The following AACS variants were observed in gnomAD, a reference collection of about 807,000 sequenced individuals.
The protein encoded by AACS is acetoacetyl-CoA synthetase, also known as acetoacetate-CoA ligase.
In AACS, 69 loss-of-function variants were observed where a neutral mutation model predicts 83.1. That is an observed-to-expected ratio of 0.83 (90% CI 0.68 to 1.01). The LOEUF is 1.01. AACS is among the 50% of genes least tolerant of loss of function. The pLI is 0.00. For missense variants in AACS, 866 were observed against 882.2 expected, an observed-to-expected ratio of 0.98 and a Z score of 0.23; for synonymous variants, 333 against 343.4, an observed-to-expected ratio of 0.97 and a Z score of 0.33.
intron 14 of AACS, among the ~76,000 whole-genome samples, chr12:125,133,358 C>T (rs1024975552): frequency 2.0e-5 from 3 of 152,228 alleles, no homozygotes; most frequent in East Asian, 3.9e-4. Context: ...GCCACCCCAG[C>T]GTGCAGGCCT....
intron 3 of AACS, among the ~76,000 whole-genome samples, chr12:125,078,820 C>CAAAAA (rs71092270): frequency 1.7e-4 from 9 of 52,034 alleles, no homozygotes; most frequent in Admixed American, 3.1e-4. Context: ...GACTCCGTCT[C>CAAAAA]AAAAAAAAAA....
At position 125,107,168 on chromosome 12, in the gene AACS, C is replaced by T. The variant is rs369677318; in HGVS notation, c.815C>T (p.Pro272Leu). The T allele has an allele frequency of 1.4e-5, 22 of 1,614,046 alleles. No homozygotes were observed. Among genetic ancestry groups the T allele is most frequent in the Middle Eastern group, 1.6e-4 (1 of 6,084 alleles). ...GCCACCGGCACCAGTGAGCAGGCCC[C>T]GCAGCTGGAGTTCGAGCAGCTGCCC... is the stretch of plus-strand genomic sequence containing the variant. The part of the protein sequence containing the change: ...FLATGTSEQA[P>L]QLEFEQLPFS... The change falls in exon 8 of 18, where the codon CCG (proline) becomes CTG (leucine). Residue 272 changes from proline (P) to leucine (L), a missense_variant. Coordinates refer to ENST00000316519, the MANE Select transcript of AACS (RefSeq NM_023928.5).
chr12:125,107,285 G>A lies in AACS; in HGVS notation c.915+17G>A. 6.2e-7 allele frequency: 1 copy of A among 1,610,730 alleles called. No homozygotes were observed. The highest frequency in any genetic ancestry group is 8.5e-7 in the Non-Finnish European group (1 of 1,178,344). ...TCCGCTGGGGTAGGTCTCTGGGGAA[G>A]GCTCTGCAGGGCCTCCTGTTGTCTG... On this transcript the variant is annotated intron_variant, in intron 8 of 17. Coordinates refer to ENST00000316519, the MANE Select transcript of AACS (RefSeq NM_023928.5).
intron 2 of AACS, 134 bp from the exon 3 acceptor site, chr12:125,076,357 C>G (rs376895716): frequency 8.2e-7 from 1 of 1,226,204 alleles, no homozygotes; most frequent in South Asian, 1.5e-5. Context: ...TTTAAAAATG[C>G]TCTGGGCCAA....
chr12:125,103,133 T>C (rs556910645), intron 7 of AACS, 52 bp downstream of exon 7: 1 of 1,483,060 alleles, frequency 6.7e-7, no homozygotes, highest in African/African-American at 1.4e-5. Context: ...CTGGAGCTCC[T>C]GCGGGGAAGT....
intron 3 of AACS, chr12:125,078,196 C>T (rs1394312426): frequency 2.2e-6 from 1 of 456,166 alleles, no homozygotes. Context: ...GGACCAGCAG[C>T]CCCTGTGCAG....
chr12:125,088,856 C>A (rs1266114723), intron 4 of AACS, among the ~76,000 whole-genome samples: 2 of 152,268 alleles, frequency 1.3e-5, no homozygotes, highest in East Asian at 3.9e-4. Context: ...CAGTTGGATA[C>A]GGATTTGACC....
At chr12:125,104,381 T>G (rs373785572) in intron 7 of AACS, among the ~76,000 whole-genome samples, 2 of 152,226 alleles carry the variant, frequency 1.3e-5, no homozygotes, top group East Asian at 3.8e-4. Flanking sequence ...TGTTACCGTC[T>G]GTCAGGGTGT....
rs532758921 is a variant in AACS, at chr12:125,066,797, GGC to G, written c.133+1083_133+1084del. ...GTCTCCCCTCCTCACCCCCTCCGCT[GGC>G]GCAGGGACTCCCTTGTTTCTGTTGG... On this transcript the variant is annotated intron_variant, in intron 1 of 17. Coordinates refer to ENST00000316519, the MANE Select transcript of AACS (RefSeq NM_023928.5). 7.9e-5 allele frequency among the ~76,000 whole-genome samples: 12 copies of G among 152,112 alleles called. No individual in the cohort carries two copies. The East Asian group carries it at 2.3e-3, about 30-fold the overall frequency.
chr12:125,088,560 C>T (rs891805601), intron 4 of AACS, among the ~76,000 whole-genome samples: 1 of 152,134 alleles, frequency 6.6e-6, no homozygotes, highest in African/African-American at 2.4e-5. Flanking sequence ...GAGGCTGAAA[C>T]CTCACTTTTT....
At chr12:125,106,330 T>G (rs937229258) in intron 7 of AACS, among the ~76,000 whole-genome samples, 1 of 152,216 alleles carries the variant, frequency 6.6e-6, no homozygotes, top group African/African-American at 2.4e-5. Context: ...ACAAATCTCC[T>G]GTTTGTGTCG....
chr12:125,078,746 G>T (rs567936923), intron 3 of AACS, among the ~76,000 whole-genome samples: 1 of 149,946 alleles, frequency 6.7e-6, no homozygotes, highest in Non-Finnish European at 1.5e-5. Flanking sequence ...GCTTGAACCC[G>T]GGAGGTGGAG....
chr12:125,125,954 T>A (rs917474287), intron 12 of AACS: 3 of 138,892 alleles, frequency 2.2e-5, no homozygotes, highest in African/African-American at 8.1e-5. Flanking sequence ...GGATTCCAAG[T>A]GAATTTTTTT....
At chr12:125,066,497 T>C (rs1955701964) in intron 1 of AACS, among the ~76,000 whole-genome samples, 1 of 145,944 alleles carries the variant, frequency 6.9e-6, no homozygotes. Context: ...TTGCCCAGGC[T>C]GGAGTGCAAT....
intron 7 of AACS, among the ~76,000 whole-genome samples, chr12:125,104,637 C>G (rs896495903): frequency 3.3e-5 from 5 of 152,128 alleles, no homozygotes; most frequent in African/African-American, 9.7e-5. Flanking sequence ...AGGGCATATT[C>G]TGGAGCCTGG....
chr12:125,091,281 G>A (rs994144827), intron 4 of AACS, 145 bp from the exon 5 acceptor site: 6 of 723,764 alleles, frequency 8.3e-6, no homozygotes, highest in African/African-American at 7.0e-5. Context: ...GATTCATCTG[G>A]GCGGGGGCTG....
In AACS at chr12:125,140,535, C is replaced by T. The variant is rs1438007766; in HGVS notation, c.1882-1557C>T. ...AAGTGACAGGCAGGCCCTTGGAAGCCGGTGCTTAGATCCTTAATTAGTTCA... is the reference window on the plus strand; with the variant it reads ...AAGTGACAGGCAGGCCCTTGGAAGCTGGTGCTTAGATCCTTAATTAGTTCA... On this transcript the variant is annotated intron_variant, in intron 17 of 17. Coordinates refer to ENST00000316519, the MANE Select transcript of AACS (RefSeq NM_023928.5). This position sits in a 1 kb window ranked among gnomAD's most constrained non-coding sequence, Gnocchi z 5.1. 2 of 151,918 alleles carry T rather than the reference C, an allele frequency of 1.3e-5. No individual in the cohort carries two copies. The highest frequency in any genetic ancestry group is 6.6e-5 in the Admixed American group (1 of 15,238). 9.4% of individuals were successfully genotyped at this position (151,918 alleles called of 1,614,324 possible). A position where few individuals can be genotyped will look rare whatever the true frequency, so the allele number is the denominator to read the frequency against.
At position 125,115,898 on chromosome 12, in the gene AACS, C is replaced by T. The variant is rs189937538; in HGVS notation, c.996+1341C>T. On this transcript the variant is annotated intron_variant, in intron 9 of 17. Transcript: ENST00000316519. Reference sequence around the variant, plus strand: ...TCAGACCCCTGAGACCTCACACATACACCCGTGCAGGGGACAGACCCCTGG... The same window carrying T: ...TCAGACCCCTGAGACCTCACACATATACCCGTGCAGGGGACAGACCCCTGG... 9.9e-4 allele frequency among the ~76,000 whole-genome samples: 150 copies of T among 152,014 alleles called. 1 individual carries two copies. Among genetic ancestry groups the T allele is most frequent in the African/African-American group, 3.5e-3 (145 of 41,458 alleles).
At chr12:125,133,392 C>G (rs567917708) in intron 14 of AACS, among the ~76,000 whole-genome samples, 16 of 152,198 alleles carry the variant, frequency 1.1e-4, no homozygotes, top group Non-Finnish European at 1.5e-4. Flanking sequence ...GCACATGAGG[C>G]CACTCACGTG....
Sources: allele counts gnomAD v4.1 joint callset (sites outside exome capture counted in the v4.1 genomes callset), GRCh38; gene constraint gnomAD v4.1.1; non-coding constraint Gnocchi (gnomAD v3.1); transcripts MANE v1.5; gene names NCBI Gene and HGNC (gene_info 2026-07-23, HGNC 2026-07-21).